The following PLCB4 variants were observed in gnomAD, a reference collection of about 807,000 sequenced individuals.
PLCB4 encodes 1-phosphatidylinositol 4,5-bisphosphate phosphodiesterase beta-4.
PLCB4 carries 77 observed loss-of-function variants against 178.8 expected under a neutral mutation model. That is an observed-to-expected ratio of 0.43 (90% CI 0.36 to 0.52). The LOEUF (loss-of-function observed/expected upper bound fraction) is 0.52. Among genes scored for constraint, PLCB4 ranks in the 20% least tolerant of loss-of-function variants. The pLI is 0.00. For missense variants in PLCB4, 1,024 were observed against 1,453.4 expected (o/e 0.70, Z 4.80); for synonymous variants, 496 against 490.8 (o/e 1.01, Z -0.14).
chr20:9,307,875 G>T lies in PLCB4; in HGVS notation c.61G>T (p.Ala21Ser), dbSNP rs6077510. The change falls in exon 4 of 40, where the codon GCA (alanine) becomes TCA (serine). Residue 21 changes from alanine (A) to serine (S), a missense_variant. By Grantham distance (99) the Ala-to-Ser change is moderately conservative. Coordinates refer to ENST00000378473, the MANE Select transcript of PLCB4 (RefSeq NM_001377142.1). The stretch of plus-strand genomic sequence containing the variant: ...AGTTCCCTCCTTTTTGCAAGAAGGA[G>T]CAGTTTTTGACAGATACGAGGAGGT... ...KEVPSFLQEGAVFDRYEEESF... is the reference protein window; with the variant it reads ...KEVPSFLQEGSVFDRYEEESF... 1 of 1,563,860 alleles carries T rather than the reference G, an allele frequency of 6.4e-7. No individual in the cohort carries two copies. The highest frequency in any genetic ancestry group is 8.8e-7 in the Non-Finnish European group (1 of 1,135,928).
rs186567769 is a variant in PLCB4 at position 9,340,544 on chromosome 20, T to C, written c.369+1507T>C. ...TTATTGTGGTGGTTTTATGCTATCG[T>C]TCAGGTCACCTCACTTTGGGAGAAC... On this transcript the variant is annotated intron_variant, in intron 7 of 39. Transcript: ENST00000378473. Among the ~76,000 whole-genome samples, 10 of 152,276 alleles carry C rather than the reference T, an allele frequency of 6.6e-5. No individual in the cohort carries two copies. The East Asian group carries it at 1.9e-3, about 29-fold the overall frequency.
chr20:9,253,814 A>T (rs1426599919), intron 3 of PLCB4, among the ~76,000 whole-genome samples: 1 of 152,176 alleles, frequency 6.6e-6, no homozygotes, highest in African/African-American at 2.4e-5. Context: ...ACCTCAAAAC[A>T]TAGGCTTGCA....
intron 2 of PLCB4, among the ~76,000 whole-genome samples, chr20:9,136,129 C>CGTGT (rs1176575882): frequency 6.6e-5 from 10 of 152,176 alleles, no homozygotes; most frequent in Non-Finnish European, 1.5e-4. Flanking sequence ...AATGCACACA[C>CGTGT]ACACACACCC....
intron 3 of PLCB4, among the ~76,000 whole-genome samples, chr20:9,250,788 C>T (rs2094172558): frequency 1.3e-5 from 2 of 152,196 alleles, no homozygotes; most frequent in African/African-American, 4.8e-5. Context: ...CAAACTACAT[C>T]TCATGTGGCA....
At chr20:9,128,315 C>T (rs945532045) in intron 2 of PLCB4, among the ~76,000 whole-genome samples, 1 of 152,196 alleles carries the variant, frequency 6.6e-6, no homozygotes, top group African/African-American at 2.4e-5. Flanking sequence ...CTTGTACAAC[C>T]TGCAGAACTA....
chr20:9,082,123 T>G (rs963663769), intron 1 of PLCB4, among the ~76,000 whole-genome samples: 1 of 152,180 alleles, frequency 6.6e-6, no homozygotes, highest in Admixed American at 6.5e-5. Context: ...AAAAAATTTC[T>G]TATTTCAAAC....
At chr20:9,150,435 C>T (rs1600728536) in intron 2 of PLCB4, among the ~76,000 whole-genome samples, 1 of 152,236 alleles carries the variant, frequency 6.6e-6, no homozygotes. Context: ...CACATTTGTA[C>T]TTTCCTATGA....
At chr20:9,413,152 C>T (rs937056731) in intron 25 of PLCB4, among the ~76,000 whole-genome samples, 2 of 152,166 alleles carry the variant, frequency 1.3e-5, no homozygotes, top group Non-Finnish European at 2.9e-5. Flanking sequence ...CAGGACCCGT[C>T]GGGCATGGCT....
intron 1 of PLCB4, among the ~76,000 whole-genome samples, chr20:9,089,643 G>A (rs946352065): frequency 6.6e-6 from 1 of 152,092 alleles, no homozygotes; most frequent in African/African-American, 2.4e-5. Context: ...GTGGTTCTAA[G>A]ATTGTGTCCA....
intron 3 of PLCB4, among the ~76,000 whole-genome samples, chr20:9,241,308 C>T (rs143995304): frequency 3.9e-4 from 60 of 152,062 alleles, no homozygotes; most frequent in African/African-American, 1.2e-3. Context: ...GTCAGAGAAG[C>T]TGAAATCAGC....
intron 17 of PLCB4, among the ~76,000 whole-genome samples, chr20:9,390,967 G>A (rs1230034913): frequency 1.3e-5 from 2 of 152,212 alleles, no homozygotes; most frequent in African/African-American, 4.8e-5. Context: ...GGCCCCACTT[G>A]GAGACTGATT....
chr20:9,459,560 G>C, intron 34 of PLCB4, 75 bp from the exon 35 acceptor site: 1 of 1,091,884 alleles, frequency 9.2e-7, no homozygotes. Context: ...TGAAATACCT[G>C]AATAATGTTG....
chr20:9,363,226 C>T (rs188172859), intron 8 of PLCB4, among the ~76,000 whole-genome samples: 411 of 152,306 alleles, frequency 2.7e-3, no homozygotes, highest in Non-Finnish European at 2.3e-3. Context: ...ACCTCAGTCA[C>T]TCTGTATGCT....
At chr20:9,338,352 T>C (rs1287674202) in intron 6 of PLCB4, among the ~76,000 whole-genome samples, 7 of 151,962 alleles carry the variant, frequency 4.6e-5, no homozygotes, top group Non-Finnish European at 8.8e-5. Context: ...ATAACTACAA[T>C]CAAAACTCTA....
intron 4 of PLCB4, among the ~76,000 whole-genome samples, chr20:9,319,990 TG>T (rs2094941649): frequency 6.6e-6 from 1 of 152,208 alleles, no homozygotes; most frequent in East Asian, 1.9e-4. Context: ...GAAAGTATCC[TG>T]ATCTAGACCC....
At chr20:9,320,249 C>T (rs2094944917) in intron 4 of PLCB4, among the ~76,000 whole-genome samples, 1 of 152,162 alleles carries the variant, frequency 6.6e-6, no homozygotes, top group South Asian at 2.1e-4. Context: ...GGTTCCTCCC[C>T]TTTTTAGACT....
At chr20:9,433,120 G>C (rs1202370381) in intron 28 of PLCB4, among the ~76,000 whole-genome samples, 1 of 152,214 alleles carries the variant, frequency 6.6e-6, no homozygotes, top group African/African-American at 2.4e-5. Flanking sequence ...GCTGTGAAGA[G>C]AGATAGCAGC....
At chr20:9,420,364 G>T (rs751807120) in intron 26 of PLCB4, among the ~76,000 whole-genome samples, 2 of 151,698 alleles carry the variant, frequency 1.3e-5, no homozygotes, top group Non-Finnish European at 2.9e-5. Context: ...TTGACACTGA[G>T]TATCACTCTG....
intron 1 of PLCB4, among the ~76,000 whole-genome samples, chr20:9,083,554 T>C (rs2090260455): frequency 1.3e-5 from 2 of 152,174 alleles, no homozygotes. Context: ...TTTATTAGGC[T>C]TAGGCATTGT....
Sources: allele counts gnomAD v4.1 joint callset (sites outside exome capture counted in the v4.1 genomes callset), GRCh38; gene constraint gnomAD v4.1.1; transcripts MANE v1.5; gene names NCBI Gene and HGNC (gene_info 2026-07-23, HGNC 2026-07-21).